Variants in CACNA2D4 observed in about 807,000 individuals in gnomAD.
CACNA2D4 encodes voltage-dependent calcium channel subunit alpha-2/delta-4.
Under a neutral mutation model 163.8 loss-of-function variants are expected in CACNA2D4, and 157 were observed. The observed-to-expected ratio is 0.96, with a 90% CI of 0.84 to 1.09. The LOEUF (loss-of-function observed/expected upper bound fraction) is 1.09, where lower values mean the gene tolerates loss of function less well. Among genes scored for constraint, CACNA2D4 ranks in the 50% least tolerant of loss-of-function variants. The pLI is 0.00. For missense variants in CACNA2D4, 1,410 were observed against 1,479.9 expected (o/e 0.95, Z 0.78); for synonymous variants, 598 against 586.9 (o/e 1.02, Z -0.27).
intron 9 of CACNA2D4, among the ~76,000 whole-genome samples, chr12:1,885,718 A>G (rs1866121899): frequency 6.6e-6 from 1 of 152,062 alleles, no homozygotes; most frequent in Non-Finnish European, 1.5e-5. Flanking sequence ...AGGGTGAAAA[A>G]CCAGTCCTGA....
In CACNA2D4 at chr12:1,852,024, C is replaced by A. The variant is rs543785838; in HGVS notation, c.2246+1927G>T. Among the ~76,000 whole-genome samples the A allele has an allele frequency of 3.3e-5, 5 of 152,184 alleles. No individual in the cohort carries two copies. In the East Asian group the frequency reaches 9.6e-4, roughly 29 times the overall value. On this transcript the variant is annotated intron_variant, in intron 23 of 37. Transcript: ENST00000382722. Reference sequence around the variant, plus strand: ...TTTAAAATAAGCCTTCTCATATCTTCTATCTTTTTTGTGTGTAGATAAAGG... The same window carrying A: ...TTTAAAATAAGCCTTCTCATATCTTATATCTTTTTTGTGTGTAGATAAAGG...
Position 1,887,037 on chromosome 12 carries a change from T to C in CACNA2D4, c.814A>G (p.Ile272Val), listed in dbSNP as rs1443794696. The C allele has an allele frequency of 3.1e-6, 5 of 1,595,164 alleles. No individual in the cohort carries two copies. The highest frequency in any genetic ancestry group is 3.3e-4 in the Middle Eastern group (2 of 5,978). Residue 272 changes from isoleucine (I) to valine (V), a missense_variant, in exon 7 of 38, where the codon ATT becomes GTT. By Grantham distance (29) the Ile-to-Val change is conservative. Coordinates refer to ENST00000382722, the MANE Select transcript of CACNA2D4 (RefSeq NM_172364.5). ...CCGCGGTTTCGGCAGTCAAAAGTAA[T>C]GACTCCATTCTCATCAGGTGTCCAT... is the stretch of plus-strand genomic sequence containing the variant. ...IKWTPDENGVITFDCRNRGWY... is the reference protein window; with the variant it reads ...IKWTPDENGVVTFDCRNRGWY...
At chr12:1,868,373 G>A (rs4765853) in intron 18 of CACNA2D4, among the ~76,000 whole-genome samples, 119,227 of 152,014 alleles carry the variant, frequency 0.78, 48,040 homozygotes, top group East Asian at 0.86. Flanking sequence ...AAAATGCTGC[G>A]TGATCTCACT....
chr12:1,826,669 G>A (rs1864342957), intron 26 of CACNA2D4, among the ~76,000 whole-genome samples: 1 of 151,654 alleles, frequency 6.6e-6, no homozygotes, highest in Non-Finnish European at 1.5e-5. Context: ...AGACAGCCGA[G>A]AGGGCGGCAC....
intron 7 of CACNA2D4, 141 bp downstream of exon 7, chr12:1,886,868 T>C: frequency 1.6e-6 from 1 of 616,410 alleles, no homozygotes; most frequent in East Asian, 2.8e-5. Flanking sequence ...CTTCCTGCTC[T>C]TGTGTCGGGC....
intron 18 of CACNA2D4, among the ~76,000 whole-genome samples, chr12:1,865,660 G>A (rs1417159427): frequency 2.0e-5 from 3 of 152,186 alleles, no homozygotes; most frequent in African/African-American, 7.2e-5. Context: ...AGGCCCAGCA[G>A]CAGCAGCAGC....
Position 1,851,676 on chromosome 12 carries a change from T to TGTGTGC in CACNA2D4, c.2246+2274_2246+2275insGCACAC, listed in dbSNP as rs1332982301. Among the ~76,000 whole-genome samples the TGTGTGC allele has an allele frequency of 3.2e-3, 173 of 53,290 alleles. 1 individual carries two copies. Among genetic ancestry groups the TGTGTGC allele is most frequent in the African/African-American group, 0.011 (166 of 15,070 alleles). The allele number at this position is 53,290 out of a possible 152,430, so 35.0% of individuals were successfully genotyped here. Reference sequence around the variant, plus strand: ...TTGTGTGTGTGTGTGTGTGTGTGTGTGCGTTTTTTTTTTTTTTTTCCAGAG... The same window carrying TGTGTGC: ...TTGTGTGTGTGTGTGTGTGTGTGTGTGTGTGCGCGTTTTTTTTTTTTTTTTCCAGAG... On this transcript the variant is annotated intron_variant, in intron 23 of 37. Coordinates refer to ENST00000382722, the MANE Select transcript of CACNA2D4 (RefSeq NM_172364.5).
chr12:1,900,187 T>C (rs996991398), intron 6 of CACNA2D4, among the ~76,000 whole-genome samples: 12 of 152,188 alleles, frequency 7.9e-5, no homozygotes, highest in Non-Finnish European at 1.5e-4. Flanking sequence ...TGGAGTGCAG[T>C]GACATGATCA....
At chr12:1,841,371 C>T (rs117113203) in intron 25 of CACNA2D4, among the ~76,000 whole-genome samples, 7,217 of 152,302 alleles carry the variant, frequency 0.047, 253 homozygotes, top group Middle Eastern at 0.095. Context: ...AGCTGTTGCT[C>T]CACTTCTGGG....
In CACNA2D4 at chr12:1,913,154, TG is replaced by T; in HGVS notation, c.310-16del. On this transcript the variant is annotated splice_polypyrimidine_tract_variant and intron_variant, in intron 2 of 37. Coordinates refer to ENST00000382722, the MANE Select transcript of CACNA2D4 (RefSeq NM_172364.5). ...TCCTTGTACTTCTGTTTGGGGAAAGTGGGAGAGATGCGTGCATGTGGTTTTG... is the reference window on the plus strand; with the variant it reads ...TCCTTGTACTTCTGTTTGGGGAAAGTGGAGAGATGCGTGCATGTGGTTTTG... 1 of 1,552,188 alleles carries T rather than the reference TG, an allele frequency of 6.4e-7. No individual in the cohort carries two copies. Among genetic ancestry groups the T allele is most frequent in the Non-Finnish European group, 8.9e-7 (1 of 1,123,864 alleles).
At chr12:1,899,910 AG>A (rs1484057094) in intron 6 of CACNA2D4, among the ~76,000 whole-genome samples, 2 of 152,214 alleles carry the variant, frequency 1.3e-5, no homozygotes, top group Non-Finnish European at 2.9e-5. Flanking sequence ...AATGCATAAA[AG>A]GATAATTTAC....
At chr12:1,835,025 A>C (rs1864796889) in intron 26 of CACNA2D4, 1 of 363,470 alleles carries the variant, frequency 2.8e-6, no homozygotes, top group Non-Finnish European at 4.9e-6. Flanking sequence ...AGGCTTCCGG[A>C]CTGGGCATTC....
In CACNA2D4 at chr12:1,797,804, C is replaced by G. The variant is rs1276097812; in HGVS notation, c.2996-269G>C. On this transcript the variant is annotated intron_variant, in intron 34 of 37. Transcript: ENST00000382722. ...AAAGCGCTTCCTCTGGGGAGCCTGG[C>G]CCTCACTGAGCTGGGGGCAGTGCAC... 1.7e-5 allele frequency: 9 copies of G among 542,432 alleles called. No individual in the cohort carries two copies. The Admixed American group carries it at 2.2e-4, about 14-fold the overall frequency. 33.6% of individuals were successfully genotyped at this position (542,432 alleles called of 1,614,324 possible).
chr12:1,871,959 T>C (rs1865797663), intron 18 of CACNA2D4, among the ~76,000 whole-genome samples: 1 of 152,220 alleles, frequency 6.6e-6, no homozygotes, highest in South Asian at 2.1e-4. Context: ...CTCTTCTGCT[T>C]TCTTCTTTTA....
At chr12:1,816,032 C>T (rs566326218) in intron 26 of CACNA2D4, among the ~76,000 whole-genome samples, 1 of 152,280 alleles carries the variant, frequency 6.6e-6, no homozygotes, top group East Asian at 1.9e-4. Flanking sequence ...CATATTGAAT[C>T]CTTCTGTCAA....
At chr12:1,818,705 T>C (rs1229258017) in intron 26 of CACNA2D4, among the ~76,000 whole-genome samples, 1 of 144,908 alleles carries the variant, frequency 6.9e-6, no homozygotes, top group Non-Finnish European at 1.5e-5. Flanking sequence ...TGACCTTCCC[T>C]CCACTATTGT....
At chr12:1,831,836 T>G (rs1450655878) in intron 26 of CACNA2D4, among the ~76,000 whole-genome samples, 2 of 150,470 alleles carry the variant, frequency 1.3e-5, no homozygotes, top group Non-Finnish European at 3.0e-5. Context: ...TCTCCCTTTC[T>G]TAGGTTACAT....
intron 26 of CACNA2D4, among the ~76,000 whole-genome samples, chr12:1,817,668 T>G (rs1049648002): frequency 1.5e-4 from 23 of 152,160 alleles, no homozygotes; most frequent in African/African-American, 4.1e-4. Context: ...ATTTTTTTGG[T>G]GGAGACGGGG....
At chr12:1,879,953 C>T (rs1865960006) in intron 13 of CACNA2D4, 72 bp from the exon 14 acceptor site, 1 of 993,250 alleles carries the variant, frequency 1.0e-6, no homozygotes, top group Non-Finnish European at 1.5e-6. Flanking sequence ...TCGGAGCACC[C>T]AGTGCGGAGA....
Sources: allele counts gnomAD v4.1 joint callset (sites outside exome capture counted in the v4.1 genomes callset), GRCh38; gene constraint gnomAD v4.1.1; transcripts MANE v1.5; gene names NCBI Gene and HGNC (gene_info 2026-07-23, HGNC 2026-07-21).